Variants in KLF8 observed in about 807,000 individuals in gnomAD.
KLF8 encodes the protein KLF transcription factor 8, also known as Krueppel-like factor 8.
KLF8 carries 10 observed loss-of-function variants against 18.2 expected under a neutral mutation model. That is an observed-to-expected ratio of 0.55 (90% CI 0.34 to 0.93). The LOEUF (loss-of-function observed/expected upper bound fraction) is 0.93. KLF8 is among the 40% of genes least tolerant of loss of function. The pLI is 0.02. For missense variants in KLF8, 264 were observed against 277.9 expected, an observed-to-expected ratio of 0.95 and a Z score of 0.36; for synonymous variants, 109 against 97.3, an observed-to-expected ratio of 1.12 and a Z score of -0.71.
chrX:55,921,466 G>T, the KLF8 span, among the ~76,000 whole-genome samples: 2 of 111,959 alleles, frequency 1.8e-5, no homozygotes, highest in East Asian at 5.6e-4. Context: ...TTGCAGTCAG[G>T]TAGCATGATG....
chrX:56,007,605 A>G, the KLF8 span, among the ~76,000 whole-genome samples: 1 of 111,290 alleles, frequency 9.0e-6, no homozygotes, highest in Non-Finnish European at 1.9e-5. Flanking sequence ...CTGCTTTGCT[A>G]AATTCCAGTG....
At chrX:55,974,372 AT>A in the KLF8 span, among the ~76,000 whole-genome samples, 44 of 111,868 alleles carry the variant, frequency 3.9e-4, no homozygotes, top group Non-Finnish European at 7.0e-4. Context: ...TTGAAAAAAA[AT>A]ATTCCAGCCC....
At chrX:55,945,143 G>C in the KLF8 span, among the ~76,000 whole-genome samples, 1 of 111,149 alleles carries the variant, frequency 9.0e-6, no homozygotes, top group African/African-American at 3.3e-5. Context: ...GAGTGGTTTT[G>C]AGTGAGTTTC....
the KLF8 span, among the ~76,000 whole-genome samples, chrX:56,137,462 G>A: frequency 1.9e-5 from 2 of 105,901 alleles, no homozygotes; most frequent in Non-Finnish European, 3.9e-5. Flanking sequence ...GTAGGGACAT[G>A]GATGAAATTG....
At chrX:56,045,961 AGTATAAAGTT>A in the KLF8 span, among the ~76,000 whole-genome samples, 2 of 111,874 alleles carry the variant, frequency 1.8e-5, no homozygotes, top group East Asian at 5.6e-4. Context: ...TTCCTTGTTC[AGTATAAAGTT>A]GGCTGTGGGT....
At chrX:56,188,123 C>A in the KLF8 span, among the ~76,000 whole-genome samples, 3 of 110,867 alleles carry the variant, frequency 2.7e-5, no homozygotes, top group Admixed American at 1.9e-4. Flanking sequence ...ATCTAGAAAA[C>A]CCCATTGTCT....
chrX:55,932,696 C>T, the KLF8 span, among the ~76,000 whole-genome samples: 1 of 111,753 alleles, frequency 8.9e-6, no homozygotes, highest in African/African-American at 3.3e-5. Flanking sequence ...AACATTGGCC[C>T]CCACTCTCAT....
chrX:55,939,960 A>T, the KLF8 span, among the ~76,000 whole-genome samples: 1 of 111,896 alleles, frequency 8.9e-6, no homozygotes, highest in African/African-American at 3.2e-5. Flanking sequence ...AGGAGGAGCT[A>T]GTAACATTCC....
At chrX:56,178,313 C>A in the KLF8 span, among the ~76,000 whole-genome samples, 1 of 112,265 alleles carries the variant, frequency 8.9e-6, no homozygotes, top group African/African-American at 3.2e-5. Flanking sequence ...TATCCTTCAC[C>A]CACTTTTTGA....
chrX:55,923,321 C>T, the KLF8 span, among the ~76,000 whole-genome samples: 2 of 103,755 alleles, frequency 1.9e-5, no homozygotes, highest in Non-Finnish European at 3.9e-5. Context: ...ATAACACACA[C>T]TAAGGGCTGT....
At chrX:56,277,723 T>C (rs570880692) in intron 5 of KLF8, among the ~76,000 whole-genome samples, 3 of 112,835 alleles carry the variant, frequency 2.7e-5, no homozygotes, top group East Asian at 2.8e-4. Context: ...GCCGTACTTA[T>C]GTCTTTTCCT....
chrX:55,985,538 T>C, the KLF8 span, among the ~76,000 whole-genome samples: 1 of 111,913 alleles, frequency 8.9e-6, no homozygotes, highest in African/African-American at 3.2e-5. Context: ...CCTTGTAGTA[T>C]AGTTTGAAGT....
At position 56,233,275 on chromosome X, in the gene KLF8, T is replaced by C; in HGVS notation, c.-60T>C. The stretch of plus-strand genomic sequence containing the variant: ...AGCTCTCTTGCGATCAGCTCAGGAG[T>C]ATGAGCCTCCCGGAGGACGGCATGA... On this transcript the variant is annotated 5_prime_UTR_variant, in exon 1 of 6. Transcript: ENST00000468660. 1 of 1,198,815 alleles carries C rather than the reference T, an allele frequency of 8.3e-7. No homozygotes were observed. Among genetic ancestry groups the C allele is most frequent in the Non-Finnish European group, 1.1e-6 (1 of 885,170 alleles).
At chrX:56,194,903 G>A in the KLF8 span, among the ~76,000 whole-genome samples, 1 of 112,453 alleles carries the variant, frequency 8.9e-6, no homozygotes, top group African/African-American at 3.2e-5. Flanking sequence ...AATATTTGCT[G>A]TTCTGCAGCC....
chrX:56,219,713 A>T, the KLF8 span, among the ~76,000 whole-genome samples: 1 of 111,101 alleles, frequency 9.0e-6, no homozygotes, highest in Non-Finnish European at 1.9e-5. Context: ...TTAGCTGGGC[A>T]TGGTGGCACG....
the KLF8 span, among the ~76,000 whole-genome samples, chrX:56,067,314 T>A: frequency 9.3e-5 from 10 of 107,732 alleles, no homozygotes. Context: ...AGCCAATAGG[T>A]CAGGCCTATT....
At chrX:56,237,250 A>G (rs2066487784) in intron 1 of KLF8, among the ~76,000 whole-genome samples, 1 of 107,053 alleles carries the variant, frequency 9.3e-6, no homozygotes, top group African/African-American at 3.4e-5. Context: ...TATATATAAT[A>G]CATATATAAT....
the KLF8 span, among the ~76,000 whole-genome samples, chrX:55,909,249 G>A: frequency 8.9e-6 from 1 of 112,196 alleles, no homozygotes; most frequent in African/African-American, 3.2e-5. Flanking sequence ...TGTGTGGCGA[G>A]GACAGCTTTT....
chrX:56,113,132 A>T, the KLF8 span, among the ~76,000 whole-genome samples: 1 of 106,847 alleles, frequency 9.4e-6, no homozygotes, highest in African/African-American at 3.4e-5. Flanking sequence ...TTGGAGTCAG[A>T]GGTTGCAGTG....
Sources: gnomAD v4.1 joint callset for allele counts (sites outside exome capture counted in the v4.1 genomes callset) on GRCh38, gnomAD v4.1.1 for gene constraint, MANE v1.5 for transcripts, NCBI Gene and HGNC (gene_info 2026-07-23, HGNC 2026-07-21) for gene names.